The following SLC24A3 variants were observed in gnomAD, a reference collection of about 807,000 sequenced individuals.
SLC24A3 encodes the protein solute carrier family 24 member 3, also known as sodium/potassium/calcium exchanger 3.
A neutral mutation model predicts 75.8 loss-of-function variants in SLC24A3; 28 were observed. The ratio of observed to expected loss-of-function variants is 0.37; its 90% CI spans 0.27 to 0.51. The LOEUF is 0.51. Ranked by LOEUF, SLC24A3 falls within the 20% of genes least tolerant of loss-of-function variation. The pLI, the probability that SLC24A3 is intolerant of heterozygous loss-of-function variation, is 0.94. For missense variants in SLC24A3, 663 were observed against 847.8 expected (o/e 0.78, Z 2.71); for synonymous variants, 372 against 334.1 (o/e 1.11, Z -1.24).
chr20:19,627,546 G>A (rs946003306), intron 6 of SLC24A3, among the ~76,000 whole-genome samples: 3 of 151,742 alleles, frequency 2.0e-5, no homozygotes, highest in South Asian at 4.2e-4. Flanking sequence ...GAGGATGGGG[G>A]GAAAAAAAGG....
chr20:19,376,885 T>C (rs1334728748), intron 2 of SLC24A3, among the ~76,000 whole-genome samples: 1 of 152,200 alleles, frequency 6.6e-6, no homozygotes, highest in African/African-American at 2.4e-5. Context: ...CAGTGGATTG[T>C]AGAAATGGAG....
At chr20:19,691,225 G>GT (rs1279507593) in intron 12 of SLC24A3, among the ~76,000 whole-genome samples, 1 of 152,214 alleles carries the variant, frequency 6.6e-6, no homozygotes, top group Non-Finnish European at 1.5e-5. Flanking sequence ...GATGATGAGA[G>GT]TTATATTTAG....
chr20:19,670,834 C>A (rs1301451052), intron 8 of SLC24A3, among the ~76,000 whole-genome samples: 2 of 152,138 alleles, frequency 1.3e-5, no homozygotes, highest in East Asian at 1.9e-4. Context: ...CACAGATGAG[C>A]TGATGGCTGC....
At chr20:19,284,665 C>A (rs1983760215) in intron 2 of SLC24A3, 1 of 152,182 alleles carries the variant, frequency 6.6e-6, no homozygotes, top group African/African-American at 2.4e-5. Context: ...ATAAAGTACA[C>A]CCAGCTGCCA....
intron 1 of SLC24A3, among the ~76,000 whole-genome samples, chr20:19,247,288 A>C (rs1365198791): frequency 1.3e-5 from 2 of 152,130 alleles, no homozygotes; most frequent in Non-Finnish European, 2.9e-5. Context: ...TCTGTGTGCA[A>C]ATTATGCCCA....
intron 2 of SLC24A3, among the ~76,000 whole-genome samples, chr20:19,362,778 C>T (rs561614153): frequency 1.3e-5 from 2 of 152,096 alleles, no homozygotes; most frequent in Admixed American, 1.3e-4. Flanking sequence ...GGGACAGTCA[C>T]ACAAACAGAA....
At chr20:19,499,686 A>G (rs1300917030) in intron 2 of SLC24A3, among the ~76,000 whole-genome samples, 1 of 152,170 alleles carries the variant, frequency 6.6e-6, no homozygotes, top group African/African-American at 2.4e-5. Flanking sequence ...TAGGATTTCA[A>G]CATATGAATT....
chr20:19,550,960 T>C (rs1372852504), intron 3 of SLC24A3, among the ~76,000 whole-genome samples: 4 of 152,176 alleles, frequency 2.6e-5, no homozygotes, highest in Admixed American at 2.0e-4. Flanking sequence ...GGAAAGAGGA[T>C]GAGAACGTAA....
chr20:19,376,944 G>C (rs1417118985), intron 2 of SLC24A3, among the ~76,000 whole-genome samples: 1 of 152,178 alleles, frequency 6.6e-6, no homozygotes, highest in Non-Finnish European at 1.5e-5. Flanking sequence ...AAATAACCCT[G>C]GGTGTTAATT....
At position 19,397,647 on chromosome 20, in the gene SLC24A3, C is replaced by CTT. The variant is rs3057518; in HGVS notation, c.271+116579_271+116580dup. Among the ~76,000 whole-genome samples the CTT allele has an allele frequency of 1.5e-4, 18 of 117,102 alleles. 1 individual carries two copies. The highest frequency in any genetic ancestry group is 4.8e-4 in the East Asian group (2 of 4,198). 76.8% of individuals were successfully genotyped at this position (117,102 alleles called of 152,430 possible). A position where few individuals can be genotyped will look rare whatever the true frequency, so the allele number is the denominator to read the frequency against. On this transcript the variant is annotated intron_variant, in intron 2 of 16. Coordinates refer to ENST00000328041, the MANE Select transcript of SLC24A3 (RefSeq NM_020689.4). ...AAAGGTTGTGCTTTTTTTTTCTTTT[C>CTT]TTTTTTTTTTTTTTTTTTTTGAGTG...
At chr20:19,620,685 A>G (rs1235635488) in intron 6 of SLC24A3, among the ~76,000 whole-genome samples, 2 of 152,178 alleles carry the variant, frequency 1.3e-5, no homozygotes, top group African/African-American at 4.8e-5. Flanking sequence ...GAGCAGCTGG[A>G]TGATTAACGC....
intron 6 of SLC24A3, among the ~76,000 whole-genome samples, chr20:19,617,517 A>G (rs999184721): frequency 5.9e-5 from 9 of 151,920 alleles, no homozygotes; most frequent in Admixed American, 5.9e-4. Context: ...GTATCACAGT[A>G]TTTTCTTCTC....
intron 7 of SLC24A3, among the ~76,000 whole-genome samples, chr20:19,660,164 A>G (rs1438622760): frequency 6.6e-6 from 1 of 152,124 alleles, no homozygotes; most frequent in Non-Finnish European, 1.5e-5. Context: ...CTTTTGAGGT[A>G]CGTGTGGTTT....
intron 1 of SLC24A3, among the ~76,000 whole-genome samples, chr20:19,273,676 A>AT (rs1983396139): frequency 6.6e-6 from 1 of 151,934 alleles, no homozygotes; most frequent in African/African-American, 2.4e-5. Flanking sequence ...GGAGGTGCCA[A>AT]TGCTGCTCCT....
At chr20:19,569,268 C>A (rs2122619651) in intron 3 of SLC24A3, among the ~76,000 whole-genome samples, 1 of 152,296 alleles carries the variant, frequency 6.6e-6, no homozygotes, top group African/African-American at 2.4e-5. Context: ...TGATGCTTTG[C>A]ACGTACTTGT....
At chr20:19,679,490 G>A (rs1458043084) in intron 9 of SLC24A3, among the ~76,000 whole-genome samples, 4 of 151,832 alleles carry the variant, frequency 2.6e-5, no homozygotes, top group African/African-American at 7.3e-5. Context: ...GAGGGAGACC[G>A]TGGAAAGAGA....
chr20:19,276,844 G>GCAGTGCAC (rs1228371275), intron 1 of SLC24A3, among the ~76,000 whole-genome samples: 1 of 151,980 alleles, frequency 6.6e-6, no homozygotes, highest in Non-Finnish European at 1.5e-5. Flanking sequence ...GTTTGAGGCT[G>GCAGTGCAC]CAGTGCACCA....
intron 1 of SLC24A3, among the ~76,000 whole-genome samples, chr20:19,215,001 A>G (rs111244185): frequency 8.3e-4 from 126 of 152,290 alleles, no homozygotes; most frequent in African/African-American, 2.5e-3. Context: ...CCCGAATGAC[A>G]TATGAGTTGA....
rs1489494232 is a variant in SLC24A3, at chr20:19,717,608, C to T, written c.1785+15C>T. On this transcript the variant is annotated intron_variant, in intron 16 of 16. Coordinates refer to ENST00000328041, the MANE Select transcript of SLC24A3 (RefSeq NM_020689.4). ...TTTTTGTCACGGTAGGTTGGCAGCT[C>T]TCTCCTCGTACTTGTGTTTGCCTGT... 17 of 1,613,954 alleles carry T rather than the reference C, an allele frequency of 1.1e-5. No homozygotes were observed. The highest frequency in any genetic ancestry group is 1.4e-5 in the Non-Finnish European group (16 of 1,179,944).
Sources: gnomAD v4.1 joint callset for allele counts (sites outside exome capture counted in the v4.1 genomes callset) on GRCh38, gnomAD v4.1.1 for gene constraint, MANE v1.5 for transcripts, NCBI Gene and HGNC (gene_info 2026-07-23, HGNC 2026-07-21) for gene names.